The following PUM3 variants were observed in gnomAD, a reference collection of about 807,000 sequenced individuals.
The protein encoded by PUM3 is pumilio RNA binding family member 3.
Under a neutral mutation model 84.0 loss-of-function variants are expected in PUM3, and 91 were observed. The observed-to-expected ratio is 1.08, with a 90% CI of 0.91 to 1.29. The LOEUF (loss-of-function observed/expected upper bound fraction) is 1.29, where lower values mean the gene tolerates loss of function less well. Among genes scored for constraint, PUM3 ranks in the 50% most tolerant of loss-of-function variants. PUM3 has a pLI of 0.00. For missense variants in PUM3, 1,067 were observed against 767.5 expected (o/e 1.39, Z -4.61); for synonymous variants, 321 against 266.7 (o/e 1.20, Z -1.98).
chr9:2,816,993 T>A (rs1821483507), intron 13 of PUM3, among the ~76,000 whole-genome samples: 1 of 152,230 alleles, frequency 6.6e-6, no homozygotes, highest in Non-Finnish European at 1.5e-5. Flanking sequence ...TGCAATGGTT[T>A]CGTAGTGGCT....
chr9:2,825,647 TA>T (rs1815796567), intron 10 of PUM3, among the ~76,000 whole-genome samples: 1 of 152,064 alleles, frequency 6.6e-6, no homozygotes, highest in Non-Finnish European at 1.5e-5. Context: ...CACCCCCGGC[TA>T]ATTTTTGTAT....
rs576198809 is a variant in PUM3, at chr9:2,824,827, A to G, written c.1036-12T>C. On this transcript the variant is annotated splice_polypyrimidine_tract_variant and intron_variant, in intron 10 of 17. Transcript: ENST00000397885. ...GCTTCAATCATTTCCTAGGGAACAA[A>G]TGCTGTCAGGAACAGGGCTCTGCTT... is the stretch of plus-strand genomic sequence containing the variant. 3.7e-5 allele frequency: 57 copies of G among 1,525,320 alleles called. No homozygotes were observed. The Admixed American group carries it at 6.6e-4, about 18-fold the overall frequency. 94.5% of individuals were successfully genotyped at this position (1,525,320 alleles called of 1,614,324 possible). A position where few individuals can be genotyped will look rare whatever the true frequency, so the allele number is the denominator to read the frequency against.
At chr9:2,829,221 A>G (rs186100155) in intron 8 of PUM3, among the ~76,000 whole-genome samples, 1 of 152,378 alleles carries the variant, frequency 6.6e-6, no homozygotes. Context: ...CCCTTCAGAC[A>G]CATGTGTGCA....
intron 3 of PUM3, 51 bp from the exon 4 acceptor site, chr9:2,834,217 T>TTGA: frequency 6.7e-7 from 1 of 1,503,590 alleles, no homozygotes; most frequent in Non-Finnish European, 9.1e-7. Flanking sequence ...CTAAGTGTCA[T>TTGA]ACACCAATAC....
chr9:2,842,512 C>T (rs1816291788), intron 1 of PUM3, among the ~76,000 whole-genome samples: 2 of 152,290 alleles, frequency 1.3e-5, no homozygotes, highest in Middle Eastern at 3.4e-3. Context: ...TCTCTACCAA[C>T]ACAATTTCTA....
At chr9:2,818,790 G>T (rs1821524822) in intron 13 of PUM3, among the ~76,000 whole-genome samples, 1 of 152,172 alleles carries the variant, frequency 6.6e-6, no homozygotes, top group Non-Finnish European at 1.5e-5. Flanking sequence ...GAAAATGACA[G>T]CAAGGGCATG....
At chr9:2,836,377 AC>A (rs2129880885) in intron 3 of PUM3, among the ~76,000 whole-genome samples, 1 of 152,314 alleles carries the variant, frequency 6.6e-6, no homozygotes. Flanking sequence ...AATCCACATA[AC>A]CTGGAAACTG....
Position 2,829,787 on chromosome 9 carries a change from A to T in PUM3, c.839T>A (p.Phe280Tyr). The stretch of plus-strand genomic sequence containing the variant: ...TGGAGATGTCACCTTGTAAAGCTGA[A>T]ATGTGTTCCCATAGAGCTCTTCCGT... The part of the protein sequence containing the change: ...MLTEELYGNT[F>Y]QLYKSADHRT... Residue 280 changes from phenylalanine to tyrosine, a missense_variant, in exon 8 of 18, where the codon TTT becomes TAT. Physicochemically the swap from Phe to Tyr is conservative, Grantham distance 22 (BLOSUM62 3). Coordinates refer to ENST00000397885, the MANE Select transcript of PUM3 (RefSeq NM_014878.5). The T allele has an allele frequency of 2.5e-6, 4 of 1,611,946 alleles. No homozygotes were observed. Among genetic ancestry groups the T allele is most frequent in the Non-Finnish European group, 3.4e-6 (4 of 1,178,630 alleles).
intron 11 of PUM3, 132 bp from the exon 12 acceptor site, chr9:2,823,966 T>C (rs1815738292): frequency 1.4e-5 from 7 of 514,242 alleles, no homozygotes; most frequent in Non-Finnish European, 2.4e-5. Context: ...AAAATAATAG[T>C]TATACAGCCA....
chr9:2,823,260 T>C (rs535713116), intron 12 of PUM3, among the ~76,000 whole-genome samples: 31 of 152,116 alleles, frequency 2.0e-4, no homozygotes, highest in African/African-American at 6.7e-4. Flanking sequence ...ATTAGGAAAA[T>C]TGTTACTGCA....
chr9:2,815,479 G>C (rs1274650224), intron 13 of PUM3, among the ~76,000 whole-genome samples: 1 of 152,164 alleles, frequency 6.6e-6, no homozygotes, highest in Non-Finnish European at 1.5e-5. Context: ...ATTTTGTGCA[G>C]AATTTAATCT....
At position 2,805,113 on chromosome 9, in the gene PUM3, T is replaced by C. The variant is rs183685328; in HGVS notation, c.1815-650A>G. On this transcript the variant is annotated intron_variant, in intron 17 of 17. Coordinates refer to ENST00000397885, the MANE Select transcript of PUM3 (RefSeq NM_014878.5). ...AGACTCAGTTTCCCGAATTGTAGAA[T>C]GGGATTCACAACAGAGTCCACCTTC... Among the ~76,000 whole-genome samples the C allele has an allele frequency of 7.3e-4, 111 of 152,314 alleles. 1 individual carries two copies. Among genetic ancestry groups the C allele is most frequent in the African/African-American group, 2.6e-3 (108 of 41,566 alleles).
In PUM3 at chr9:2,837,194, T is replaced by A. The variant is rs1224267580; in HGVS notation, c.290A>T (p.Asp97Val). Reference protein sequence around the residue: ...KFNKKRKFQPDGRSDESAAKK... With the variant: ...KFNKKRKFQPVGRSDESAAKK... ...CCAGTACTTACCATCGCTTCTACCATCTGGCTGGAATTTTCTCTTCTTGTT... is the reference window on the plus strand; with the variant it reads ...CCAGTACTTACCATCGCTTCTACCAACTGGCTGGAATTTTCTCTTCTTGTT... Residue 97 changes from aspartate to valine, a missense_variant, in exon 3 of 18, where the codon GAT becomes GTT. Physicochemically the swap from Asp to Val is radical, Grantham distance 152 (BLOSUM62 -3). Coordinates refer to ENST00000397885, the MANE Select transcript of PUM3 (RefSeq NM_014878.5). 1 of 1,614,032 alleles carries A rather than the reference T, an allele frequency of 6.2e-7. No individual in the cohort carries two copies. Among genetic ancestry groups the A allele is most frequent in the East Asian group, 2.2e-5 (1 of 44,870 alleles).
chr9:2,821,821 G>A (rs977264412), intron 12 of PUM3, among the ~76,000 whole-genome samples: 1 of 152,028 alleles, frequency 6.6e-6, no homozygotes, highest in Admixed American at 6.5e-5. Flanking sequence ...TATTCACTGG[G>A]GTACTAATTG....
At chr9:2,831,071 C>A in intron 6 of PUM3, 43 bp from the exon 7 acceptor site, 1 of 1,113,412 alleles carries the variant, frequency 9.0e-7, no homozygotes, top group South Asian at 1.4e-5. Flanking sequence ...GATCTCATTT[C>A]AGTTCTCTGG....
intron 13 of PUM3, among the ~76,000 whole-genome samples, chr9:2,819,705 T>C (rs1316732703): frequency 6.6e-6 from 1 of 152,208 alleles, no homozygotes; most frequent in East Asian, 1.9e-4. Context: ...AATATCACTT[T>C]GCTAATTTTC....
Position 2,810,107 on chromosome 9 carries a change from G to C in PUM3, c.1723+237C>G, listed in dbSNP as rs566415629. 1.2e-3 allele frequency among the ~76,000 whole-genome samples: 178 copies of C among 151,086 alleles called. 1 individual carries two copies. The highest frequency in any genetic ancestry group is 1.1e-3 in the South Asian group (5 of 4,712). On this transcript the variant is annotated intron_variant, in intron 16 of 17. Coordinates refer to ENST00000397885, the MANE Select transcript of PUM3 (RefSeq NM_014878.5). The stretch of plus-strand genomic sequence containing the variant: ...AACAGAGAGAGTGAGGGGGCGGTGG[G>C]GGGGGCTGGCGGGGGGGGTTTGGAA...
At chr9:2,810,988 T>C (rs1424375175) in intron 15 of PUM3, among the ~76,000 whole-genome samples, 3 of 152,170 alleles carry the variant, frequency 2.0e-5, no homozygotes, top group Non-Finnish European at 4.4e-5. Flanking sequence ...TCAGTCTCCT[T>C]ATAGAGAAAC....
At position 2,804,383 on chromosome 9, in the gene PUM3, G is replaced by T. The variant is rs750502135; in HGVS notation, c.1895C>A (p.Thr632Asn). 5.0e-6 allele frequency: 8 copies of T among 1,613,802 alleles called. No individual in the cohort carries two copies. The highest frequency in any genetic ancestry group is 1.1e-5 in the South Asian group (1 of 91,030). Residue 632 changes from threonine (T) to asparagine (N), a missense_variant, in exon 18 of 18, where the codon ACC becomes AAC. Coordinates refer to ENST00000397885, the MANE Select transcript of PUM3 (RefSeq NM_014878.5). ...TTCTATTCCTTTGCTGGTGCTTTTG[G>T]TTTTTTCCAATGTAGGAATCAAGCT... ...LKSLIPTLEKTKSTSKGIEIL... is the reference protein window; with the variant it reads ...LKSLIPTLEKNKSTSKGIEIL...
Sources: allele counts gnomAD v4.1 joint callset (sites outside exome capture counted in the v4.1 genomes callset), GRCh38; gene constraint gnomAD v4.1.1; transcripts MANE v1.5; gene names NCBI Gene and HGNC (gene_info 2026-07-23, HGNC 2026-07-21).